The following OR2L13 variants were observed in gnomAD, a reference collection of about 807,000 sequenced individuals.
OR2L13 encodes olfactory receptor 2L13.
OR2L13 carries 14 observed loss-of-function variants against 15.3 expected under a neutral mutation model. That is an observed-to-expected ratio of 0.91 (90% CI 0.60 to 1.43). The LOEUF (loss-of-function observed/expected upper bound fraction) is 1.43, where lower values mean the gene tolerates loss of function less well. OR2L13 is among the 40% of genes most tolerant of loss of function. OR2L13 has a pLI of 0.00. For missense variants in OR2L13, 367 were observed against 387.9 expected (o/e 0.95, Z 0.45); for synonymous variants, 152 against 142.9 (o/e 1.06, Z -0.45).
chr1:248,061,094 GAA>G, the OR2L13 span: 133 of 1,613,984 alleles, frequency 8.2e-5, no homozygotes, highest in Non-Finnish European at 1.1e-4. Context: ...ATGAGCAAAA[GAA>G]TGTGTGTGCT....
chr1:247,966,811 A>G, the OR2L13 span, among the ~76,000 whole-genome samples: 1 of 152,206 alleles, frequency 6.6e-6, no homozygotes, highest in East Asian at 1.9e-4. Flanking sequence ...TGTTTCTTTA[A>G]GAAAATCCAG....
At chr1:247,971,040 T>C in the OR2L13 span, among the ~76,000 whole-genome samples, 1 of 152,198 alleles carries the variant, frequency 6.6e-6, no homozygotes, top group African/African-American at 2.4e-5. Context: ...GCAAGAAATT[T>C]GGCAGCTTTA....
the OR2L13 span, among the ~76,000 whole-genome samples, chr1:248,004,468 TTGG>T: frequency 1.3e-5 from 2 of 152,258 alleles, no homozygotes; most frequent in Admixed American, 6.5e-5. Flanking sequence ...ATCTCTTGAC[TTGG>T]TGGATCCAAT....
chr1:247,956,659 C>T, the OR2L13 span, among the ~76,000 whole-genome samples: 2 of 151,760 alleles, frequency 1.3e-5, no homozygotes, highest in African/African-American at 2.4e-5. Context: ...AGGTCCTTCA[C>T]GTCCCTTCTA....
At chr1:247,966,212 C>T in the OR2L13 span, 2 of 1,613,510 alleles carry the variant, frequency 1.2e-6, no homozygotes, top group African/African-American at 2.7e-5. Flanking sequence ...GTATTTTACA[C>T]CATTGTCACA....
chr1:248,034,465 G>C, the OR2L13 span, among the ~76,000 whole-genome samples: 1 of 152,116 alleles, frequency 6.6e-6, no homozygotes, highest in Non-Finnish European at 1.5e-5. Flanking sequence ...AAGGTCCTTT[G>C]AAATTCCATA....
the OR2L13 span, among the ~76,000 whole-genome samples, chr1:248,006,376 T>C: frequency 6.6e-6 from 1 of 151,684 alleles, no homozygotes. Flanking sequence ...CAAAACTGCA[T>C]GCATTCTGCC....
At chr1:247,976,685 A>G in the OR2L13 span, among the ~76,000 whole-genome samples, 5 of 152,206 alleles carry the variant, frequency 3.3e-5, no homozygotes, top group Non-Finnish European at 7.4e-5. Context: ...TCCTAGAACT[A>G]TCTAATTAAA....
the OR2L13 span, among the ~76,000 whole-genome samples, chr1:248,073,629 T>C: frequency 6.7e-6 from 1 of 149,496 alleles, no homozygotes; most frequent in Non-Finnish European, 1.5e-5. Context: ...AGTGTAATAA[T>C]AATAAAATAA....
chr1:247,981,915 A>C, the OR2L13 span, among the ~76,000 whole-genome samples: 1,402 of 151,280 alleles, frequency 9.3e-3, 36 homozygotes, highest in African/African-American at 0.032. Context: ...TCCCGGGTTC[A>C]CGCCATTCTC....
chr1:247,965,678 C>T, the OR2L13 span: 26 of 1,549,894 alleles, frequency 1.7e-5, no homozygotes, highest in Admixed American at 6.0e-5. Context: ...GAGATTCAAA[C>T]GTATGTGTTC....
chr1:248,003,442 G>A, the OR2L13 span: 4 of 1,609,412 alleles, frequency 2.5e-6, no homozygotes, highest in Non-Finnish European at 3.4e-6. Context: ...TCTTCTTCAC[G>A]ACTTTAGCCG....
At chr1:247,958,022 A>C in the OR2L13 span, among the ~76,000 whole-genome samples, 860 of 151,958 alleles carry the variant, frequency 5.7e-3, 12 homozygotes, top group African/African-American at 0.02. Flanking sequence ...TAGTTTTTTT[A>C]ATGGTGATGT....
the OR2L13 span, chr1:248,051,276 A>G: frequency 6.6e-6 from 1 of 152,118 alleles, no homozygotes; most frequent in South Asian, 2.1e-4. Flanking sequence ...TCTTTTTGTG[A>G]CAGACTTATT....
At chr1:247,970,956 A>G in the OR2L13 span, among the ~76,000 whole-genome samples, 1 of 152,140 alleles carries the variant, frequency 6.6e-6, no homozygotes, top group East Asian at 1.9e-4. Flanking sequence ...CAATATTCCA[A>G]TTTGTTGTTT....
At chr1:247,979,884 A>G in the OR2L13 span, among the ~76,000 whole-genome samples, 1 of 151,334 alleles carries the variant, frequency 6.6e-6, no homozygotes, top group African/African-American at 2.4e-5. Context: ...GAATATTGAA[A>G]CAGTTGTGTT....
the OR2L13 span, among the ~76,000 whole-genome samples, chr1:248,076,110 TC>T: frequency 4.6e-5 from 7 of 152,224 alleles, no homozygotes; most frequent in Non-Finnish European, 8.8e-5. Flanking sequence ...GGGAATCCTT[TC>T]CCCATTTCTT....
At chr1:247,969,809 G>A in the OR2L13 span, among the ~76,000 whole-genome samples, 1 of 152,092 alleles carries the variant, frequency 6.6e-6, no homozygotes, top group Non-Finnish European at 1.5e-5. Context: ...AAGCACCGAT[G>A]AGATCTACAT....
the OR2L13 span, among the ~76,000 whole-genome samples, chr1:247,984,148 G>T: frequency 6.6e-6 from 1 of 152,062 alleles, no homozygotes; most frequent in South Asian, 2.1e-4. Flanking sequence ...CTTGTAGAAC[G>T]CGTCTGGTGG....
Sources: gnomAD v4.1 joint callset for allele counts (sites outside exome capture counted in the v4.1 genomes callset) on GRCh38, gnomAD v4.1.1 for gene constraint, MANE v1.5 for transcripts, NCBI Gene and HGNC (gene_info 2026-07-23, HGNC 2026-07-21) for gene names.